Variants in PICALM observed in about 807,000 individuals in gnomAD.
PICALM encodes phosphatidylinositol binding clathrin assembly protein.
Under a neutral mutation model 80.5 loss-of-function variants are expected in PICALM, and 40 were observed. That is an observed-to-expected ratio of 0.50 (90% confidence interval 0.39 to 0.65). The LOEUF (loss-of-function observed/expected upper bound fraction) is 0.65, where lower values mean the gene tolerates loss of function less well. Among genes scored for constraint, PICALM ranks in the 30% least tolerant of loss-of-function variants. The pLI, the probability that PICALM is intolerant of heterozygous loss-of-function variation, is 0.00. For synonymous variants in PICALM, 288 were observed against 260.3 expected (o/e 1.11, Z -1.02); for missense variants, 676 against 778.9 (o/e 0.87, Z 1.57).
chr11:86,011,056 T>C lies in PICALM; in HGVS notation c.739A>G (p.Ile247Val). The change falls in exon 7 of 20, where the codon ATC (isoleucine) becomes GTC (valine). Residue 247 changes from isoleucine to valine, a missense_variant. Around this residue, in one of 2 missense-constraint regions of PICALM, gnomAD observed 285 missense variants for 395.4 expected, o/e 0.72. Coordinates refer to ENST00000393346, the MANE Select transcript of PICALM (RefSeq NM_007166.4). ...TCTGCAACTTTGAGGAACTCTGAGATTCTTGTCATCCTAGTTAGGAACTTC... is the reference window on the plus strand; with the variant it reads ...TCTGCAACTTTGAGGAACTCTGAGACTCTTGTCATCCTAGTTAGGAACTTC... ...YKKFLTRMTR[I>V]SEFLKVAEQV... 4 of 1,546,930 alleles carry C rather than the reference T, an allele frequency of 2.6e-6. No homozygotes were observed. The highest frequency in any genetic ancestry group is 3.5e-6 in the Non-Finnish European group (4 of 1,127,344).
At chr11:85,960,564 A>G in intron 19 of PICALM, 1 of 432,314 alleles carries the variant, frequency 2.3e-6, no homozygotes, top group Non-Finnish European at 4.4e-6. Flanking sequence ...GGAGGAGGAG[A>G]GGGAGCCTAG....
chr11:85,974,378 G>A, intron 19 of PICALM: 1 of 497,618 alleles, frequency 2.0e-6, no homozygotes, highest in South Asian at 1.5e-5. Flanking sequence ...AAAGCTCTGA[G>A]TTAATGGTTT....
chr11:86,015,385 G>C (rs1210296361), intron 4 of PICALM, among the ~76,000 whole-genome samples: 1 of 152,146 alleles, frequency 6.6e-6, no homozygotes, highest in Non-Finnish European at 1.5e-5. Context: ...TGTAGGCCAA[G>C]AGTTAACAAA....
chr11:86,063,097 A>G (rs775482292), intron 1 of PICALM, among the ~76,000 whole-genome samples: 3 of 152,240 alleles, frequency 2.0e-5, no homozygotes, highest in Non-Finnish European at 2.9e-5. Flanking sequence ...GTCTACGGTG[A>G]ACTTTCACAT....
chr11:86,014,872 T>A lies in PICALM; in HGVS notation c.544A>T (p.Asn182Tyr). The A allele has an allele frequency of 6.7e-7, 1 of 1,499,598 alleles. No individual in the cohort carries two copies. The highest frequency in any genetic ancestry group is 9.2e-7 in the Non-Finnish European group (1 of 1,090,064). The allele number at this position is 1,499,598 out of a possible 1,614,324, so 92.9% of individuals were successfully genotyped here. ...QNQMDALLDF[N>Y]VNSNELTNGV... is the part of the protein sequence containing the mutation. ...TAAATTACAAAAGCATAACTCACAT[T>A]AAAATCAAGAAGTGCATCCATCTGA... Residue 182 changes from asparagine (N) to tyrosine (Y), a missense_variant and splice_region_variant, in exon 5 of 20, where the codon AAT (asparagine) becomes TAT (tyrosine). Physicochemically the swap from Asn to Tyr is moderately radical, Grantham distance 143. Around this residue, in one of 2 missense-constraint regions of PICALM, gnomAD observed 285 missense variants for 395.4 expected, o/e 0.72. Coordinates refer to ENST00000393346, the MANE Select transcript of PICALM (RefSeq NM_007166.4).
At chr11:85,981,679 CAAATAACACATGGAGAAAACACT>C in intron 16 of PICALM, 43 bp downstream of exon 16, 2 of 1,239,240 alleles carry the variant, frequency 1.6e-6, no homozygotes, top group Admixed American at 1.8e-5. Context: ...ATCAACCCTC[CAAATAACACATGGAGAAAACACT>C]AAATAACACA....
At position 86,030,408 on chromosome 11, in the gene PICALM, C is replaced by T. The variant is rs574693746; in HGVS notation, c.273+1061G>A. The stretch of plus-strand genomic sequence containing the variant: ...CGTGATGGATGTCAACAAGTCATTA[C>T]GCTCAGAAAACTAATACCAATGACT... On this transcript the variant is annotated intron_variant, in intron 2 of 19. Transcript: ENST00000393346. Among the ~76,000 whole-genome samples, 7 of 152,326 alleles carry T rather than the reference C, an allele frequency of 4.6e-5. No individual in the cohort carries two copies. In the South Asian group the frequency reaches 1.2e-3, roughly 27 times the overall value.
At position 85,999,963 on chromosome 11, in the gene PICALM, G is replaced by A. The variant is rs546863202; in HGVS notation, c.1154+680C>T. ...TCCAAATGCTTCTGATGTTAAAGTT[G>A]AGAACCACAGTCTCATCTGAAAACA... On this transcript the variant is annotated intron_variant, in intron 11 of 19. Coordinates refer to ENST00000393346, the MANE Select transcript of PICALM (RefSeq NM_007166.4). 1.8e-4 allele frequency among the ~76,000 whole-genome samples: 27 copies of A among 152,300 alleles called. No individual in the cohort carries two copies. In the South Asian group the frequency reaches 5.6e-3, roughly 32 times the overall value.
intron 8 of PICALM, 111 bp from the exon 9 acceptor site, chr11:86,003,562 T>G (rs7131265): frequency 3.8e-6 from 2 of 529,826 alleles, no homozygotes; most frequent in Non-Finnish European, 6.4e-6. Flanking sequence ...GTTCTTCATG[T>G]ACTAATTAAC....
At chr11:86,058,528 T>C (rs2096305017) in intron 1 of PICALM, among the ~76,000 whole-genome samples, 1 of 152,164 alleles carries the variant, frequency 6.6e-6, no homozygotes, top group Non-Finnish European at 1.5e-5. Context: ...TAATCACTGC[T>C]AAAAATTCCA....
chr11:86,051,988 G>C (rs2096197060), intron 1 of PICALM, among the ~76,000 whole-genome samples: 1 of 152,208 alleles, frequency 6.6e-6, no homozygotes, highest in South Asian at 2.1e-4. Flanking sequence ...CCAAGACATA[G>C]AAAGGTTTCC....
At chr11:86,011,738 T>C (rs1051351104) in intron 6 of PICALM, among the ~76,000 whole-genome samples, 38 of 152,168 alleles carry the variant, frequency 2.5e-4, no homozygotes, top group Non-Finnish European at 4.4e-4. Context: ...TAAAAGTTCA[T>C]TATGGAGTTG....
intron 1 of PICALM, among the ~76,000 whole-genome samples, chr11:86,037,256 A>C (rs1222047549): frequency 8.2e-6 from 1 of 122,200 alleles, no homozygotes; most frequent in African/African-American, 3.3e-5. Context: ...AAAAAAAAAG[A>C]AAATTTTTTT....
chr11:86,036,373 T>A (rs1229637957), intron 1 of PICALM, among the ~76,000 whole-genome samples: 1 of 152,178 alleles, frequency 6.6e-6, no homozygotes, highest in Non-Finnish European at 1.5e-5. Context: ...ATCTGTAAAG[T>A]TCATGGGGTC....
chr11:86,064,920 A>G (rs928172273), intron 1 of PICALM, among the ~76,000 whole-genome samples: 1 of 151,938 alleles, frequency 6.6e-6, no homozygotes, highest in Non-Finnish European at 1.5e-5. Flanking sequence ...CCAAAAATAA[A>G]AAGTTTCTTT....
chr11:86,039,170 C>T (rs2095901498), intron 1 of PICALM, among the ~76,000 whole-genome samples: 1 of 151,098 alleles, frequency 6.6e-6, no homozygotes, highest in Non-Finnish European at 1.5e-5. Context: ...ACTAGATATG[C>T]TATTTCTGTC....
chr11:85,977,957 T>C (rs927194933), intron 17 of PICALM: 56 of 800,212 alleles, frequency 7.0e-5, no homozygotes, highest in Non-Finnish European at 8.7e-5. Flanking sequence ...TTCTGGCACA[T>C]TGAAAATCTG....
In PICALM at chr11:86,029,438, T is replaced by C. The variant is rs182653745; in HGVS notation, c.273+2031A>G. On this transcript the variant is annotated intron_variant, in intron 2 of 19. Transcript: ENST00000393346. Reference sequence around the variant, plus strand: ...ACCAGCATAAAAAATGAACAGAGCATGGAATTTGCTTTAACTGCCTACAGG... The same window carrying C: ...ACCAGCATAAAAAATGAACAGAGCACGGAATTTGCTTTAACTGCCTACAGG... Among the ~76,000 whole-genome samples, 882 of 152,252 alleles carry C rather than the reference T, an allele frequency of 5.8e-3. 10 individuals carry two copies. The highest frequency in any genetic ancestry group is 0.02 in the African/African-American group (834 of 41,534).
chr11:86,055,075 A>C (rs1241295830), intron 1 of PICALM, among the ~76,000 whole-genome samples: 1 of 152,154 alleles, frequency 6.6e-6, no homozygotes, highest in Non-Finnish European at 1.5e-5. Context: ...TAATGCCTGT[A>C]ATCTCAACAC....
Sources: gnomAD v4.1 joint callset for allele counts (sites outside exome capture counted in the v4.1 genomes callset) on GRCh38, gnomAD v4.1.1 for gene constraint, gnomAD v4.1.1 regional missense constraint, MANE v1.5 for transcripts, NCBI Gene and HGNC (gene_info 2026-07-23, HGNC 2026-07-21) for gene names.